The following CTXND1 variants were observed in gnomAD, a reference collection of about 807,000 sequenced individuals.
CTXND1 encodes cortexin domain containing 1.
chr15:80,250,836 G>T (rs1031685873), intron 1 of CTXND1, among the ~76,000 whole-genome samples: 2 of 152,134 alleles, frequency 1.3e-5, no homozygotes, highest in Admixed American at 1.3e-4. Flanking sequence ...CACTTTGCAG[G>T]TTCGCAAAGA....
chr15:80,201,638 C>T lies in CTXND1; in HGVS notation c.*132G>A. 2.5e-6 allele frequency: 1 copy of T among 397,436 alleles called. No homozygotes were observed. The highest frequency in any genetic ancestry group is 2.1e-5 in the African/African-American group (1 of 48,742). The allele number at this position is 397,436 out of a possible 1,614,324, so 24.6% of individuals were successfully genotyped here. Reference sequence around the variant, plus strand: ...GAGGGCTGAGAGGGCTAAGCTGCACCTTCTGTTTCCCTGGGTGGCCAGATT... The same window carrying T: ...GAGGGCTGAGAGGGCTAAGCTGCACTTTCTGTTTCCCTGGGTGGCCAGATT... On this transcript the variant is annotated 3_prime_UTR_variant, in exon 3 of 3. Transcript: ENST00000560778.
rs1325553572 is a variant in CTXND1 at position 80,200,087 on chromosome 15, G to A, written c.*1683C>T. The A allele has an allele frequency of 6.6e-6, 1 of 152,254 alleles. No homozygotes were observed. The highest frequency in any genetic ancestry group is 1.5e-5 in the Non-Finnish European group (1 of 68,118). 9.4% of individuals were successfully genotyped at this position (152,254 alleles called of 1,614,324 possible). On this transcript the variant is annotated 3_prime_UTR_variant, in exon 3 of 3. Transcript: ENST00000560778. ...GGTGCTGGGAAAGGCTGCTGTGAGT[G>A]TTCCTCTGACCAAGTGGTTCCGGCT...
intron 1 of CTXND1, among the ~76,000 whole-genome samples, chr15:80,204,094 C>T (rs768570870): frequency 4.8e-5 from 6 of 125,496 alleles, no homozygotes; most frequent in South Asian, 2.9e-4. Flanking sequence ...ACCCAGGAGG[C>T]GGAGGTTGCG....
chr15:80,246,538 C>A (rs1893632205), intron 1 of CTXND1, among the ~76,000 whole-genome samples: 1 of 152,228 alleles, frequency 6.6e-6, no homozygotes, highest in Non-Finnish European at 1.5e-5. Flanking sequence ...ATGAAGTGCC[C>A]TTGTGTGAAA....
At chr15:80,248,078 C>T (rs13329580) in intron 1 of CTXND1, among the ~76,000 whole-genome samples, 5,860 of 152,308 alleles carry the variant, frequency 0.038, 384 homozygotes, top group African/African-American at 0.13. Context: ...AGGATGCCCT[C>T]CCATGCCCTC....
chr15:80,238,643 C>T (rs529557990), intron 1 of CTXND1, among the ~76,000 whole-genome samples: 47 of 152,226 alleles, frequency 3.1e-4, no homozygotes, highest in African/African-American at 1.1e-3. Context: ...CGCCTCCACG[C>T]CCAGCTAATT....
intron 1 of CTXND1, among the ~76,000 whole-genome samples, chr15:80,210,539 C>G (rs148552971): frequency 6.6e-6 from 1 of 152,258 alleles, no homozygotes; most frequent in East Asian, 1.9e-4. Context: ...TCCCCTGGAC[C>G]TGTATTTAAT....
intron 1 of CTXND1, among the ~76,000 whole-genome samples, chr15:80,239,050 C>T (rs748874440): frequency 2.0e-5 from 3 of 152,242 alleles, no homozygotes; most frequent in South Asian, 4.1e-4. Context: ...CCAAGTCACA[C>T]CTGCTGGCAT....
chr15:80,250,125 AT>A (rs1325685284), intron 1 of CTXND1, among the ~76,000 whole-genome samples: 2 of 152,190 alleles, frequency 1.3e-5, no homozygotes, highest in African/African-American at 4.8e-5. Context: ...CACACAAACT[AT>A]TTTAGGGTTG....
chr15:80,222,311 C>T (rs1011391933), intron 1 of CTXND1, among the ~76,000 whole-genome samples: 2 of 152,120 alleles, frequency 1.3e-5, no homozygotes, highest in African/African-American at 4.8e-5. Context: ...TTATACCACT[C>T]TTATTTCATC....
intron 1 of CTXND1, among the ~76,000 whole-genome samples, chr15:80,211,641 A>G (rs770392498): frequency 1.3e-5 from 2 of 152,118 alleles, no homozygotes; most frequent in African/African-American, 2.4e-5. Context: ...TGTGTTTAAG[A>G]CTTGTTATCT....
intron 1 of CTXND1, among the ~76,000 whole-genome samples, chr15:80,216,753 T>G (rs1410939368): frequency 6.6e-6 from 1 of 152,134 alleles, no homozygotes. Context: ...TAGCTGGGAC[T>G]ACAGGGGCAC....
chr15:80,244,322 CA>C (rs1893605001), intron 1 of CTXND1, among the ~76,000 whole-genome samples: 1 of 152,156 alleles, frequency 6.6e-6, no homozygotes, highest in African/African-American at 2.4e-5. Flanking sequence ...GATATGCTGT[CA>C]AAGGATGTAT....
chr15:80,230,279 C>T (rs1293449796), intron 1 of CTXND1, among the ~76,000 whole-genome samples: 1 of 152,116 alleles, frequency 6.6e-6, no homozygotes, highest in Admixed American at 6.6e-5. Context: ...AAGGCGGGGG[C>T]GGTGTCTCCA....
Position 80,244,909 on chromosome 15 carries a change from G to T in CTXND1, c.-218+7098C>A, listed in dbSNP as rs888623042. 2.6e-5 allele frequency among the ~76,000 whole-genome samples: 4 copies of T among 152,164 alleles called. No homozygotes were observed. The South Asian group carries it at 6.2e-4, about 24-fold the overall frequency. On this transcript the variant is annotated intron_variant, in intron 1 of 2. Transcript: ENST00000560778. ...TCCAGTGAGCTGGAACTGAGTGTAA[G>T]GGTTGAGAGTTGGGCCTGGAGCTAG... is the stretch of plus-strand genomic sequence containing the variant.
intron 1 of CTXND1, among the ~76,000 whole-genome samples, chr15:80,240,362 G>T (rs547915843): frequency 1.1e-4 from 17 of 152,138 alleles, no homozygotes; most frequent in East Asian, 3.9e-4. Flanking sequence ...GAAGACCAAG[G>T]TCTCCCTCTC....
intron 1 of CTXND1, among the ~76,000 whole-genome samples, chr15:80,246,290 T>C (rs1595911465): frequency 2.0e-5 from 3 of 152,322 alleles, no homozygotes. Context: ...CAAGTAAGAA[T>C]AGAGAGAAAC....
In CTXND1 at chr15:80,201,483, C is replaced by A; in HGVS notation, c.*287G>T. On this transcript the variant is annotated 3_prime_UTR_variant, in exon 3 of 3. Coordinates refer to ENST00000560778, the MANE Select transcript of CTXND1 (RefSeq NM_001352888.2). ...CCAGGAACCTGGGAAGGTGACTACC[C>A]TATCATCTCACAGGGACTCCCCACA... 3.3e-6 allele frequency: 1 copy of A among 304,852 alleles called. No individual in the cohort carries two copies. Among genetic ancestry groups the A allele is most frequent in the Admixed American group, 5.1e-5 (1 of 19,762 alleles). 18.9% of individuals were successfully genotyped at this position (304,852 alleles called of 1,614,324 possible).
chr15:80,231,484 C>G (rs1449728537), intron 1 of CTXND1, among the ~76,000 whole-genome samples: 2 of 152,048 alleles, frequency 1.3e-5, no homozygotes, highest in Non-Finnish European at 2.9e-5. Flanking sequence ...ACAAACATGG[C>G]TCTAAACCAT....
Sources: gnomAD v4.1 joint callset for allele counts (sites outside exome capture counted in the v4.1 genomes callset) on GRCh38, gnomAD v4.1.1 for gene constraint, MANE v1.5 for transcripts, NCBI Gene and HGNC (gene_info 2026-07-23, HGNC 2026-07-21) for gene names.